The following AVIL variants were observed in gnomAD, a reference collection of about 807,000 sequenced individuals.
The protein encoded by AVIL is advillin.
AVIL carries 78 observed loss-of-function variants against 109.9 expected under a neutral mutation model. The ratio of observed to expected loss-of-function variants is 0.71; its 90% CI spans 0.59 to 0.86. The LOEUF (loss-of-function observed/expected upper bound fraction) is 0.86, where lower values mean the gene tolerates loss of function less well. AVIL is among the 40% of genes least tolerant of loss of function. The pLI is 0.00. For missense variants in AVIL, 892 were observed against 1,016.5 expected (o/e 0.88, Z 1.67); for synonymous variants, 367 against 379.1 (o/e 0.97, Z 0.37).
chr12:57,812,779 C>A (rs1255252494), intron 4 of AVIL, among the ~76,000 whole-genome samples: 1 of 152,212 alleles, frequency 6.6e-6, no homozygotes, highest in African/African-American at 2.4e-5. Context: ...TGTATCTAAT[C>A]TGTTGCTTCT....
chr12:57,812,282 C>T (rs376690579), intron 4 of AVIL, among the ~76,000 whole-genome samples: 5 of 152,238 alleles, frequency 3.3e-5, no homozygotes, highest in East Asian at 3.8e-4. Flanking sequence ...TATCCTCTTG[C>T]CTCAGCCTCC....
chr12:57,803,489 G>A, intron 15 of AVIL, 35 bp downstream of exon 15: 1 of 1,613,888 alleles, frequency 6.2e-7, no homozygotes, highest in Non-Finnish European at 8.5e-7. Flanking sequence ...GCAGGCAGGG[G>A]GAGCCCAGAA....
intron 17 of AVIL, chr12:57,801,521 C>A: frequency 4.4e-6 from 1 of 225,280 alleles, no homozygotes; most frequent in Non-Finnish European, 8.9e-6. Context: ...GGGTGGATCA[C>A]CTGAGGTCAG....
Position 57,803,341 on chromosome 12 carries a change from T to C in AVIL, c.1868A>G (p.Asn623Ser), listed in dbSNP as rs778889853. 3.1e-6 allele frequency: 5 copies of C among 1,614,062 alleles called. No individual in the cohort carries two copies. Among genetic ancestry groups the C allele is most frequent in the East Asian group, 4.5e-5 (2 of 44,900 alleles). The change falls in exon 16 of 20, where the codon AAT becomes AGT. Residue 623 changes from asparagine to serine, a missense_variant. Transcript: ENST00000549994. ...DVQSRLFECS[N>S]KTGQFVVTEI... Reference sequence around the variant, plus strand: ...AGTGACAACGAATTGGCCGGTCTTATTGGAACATTCAAAGAGACGAGACTG... The same window carrying C: ...AGTGACAACGAATTGGCCGGTCTTACTGGAACATTCAAAGAGACGAGACTG...
chr12:57,808,602 T>G, intron 9 of AVIL, 54 bp from the exon 10 acceptor site: 1 of 1,589,634 alleles, frequency 6.3e-7, no homozygotes, highest in East Asian at 2.2e-5. Flanking sequence ...CACTGAGTTC[T>G]TTGCTTGTCT....
At chr12:57,813,040 T>A (rs1455021205) in intron 4 of AVIL, among the ~76,000 whole-genome samples, 187 bp downstream of exon 4, 4 of 152,246 alleles carry the variant, frequency 2.6e-5, no homozygotes, top group Non-Finnish European at 5.9e-5. Flanking sequence ...GGGCTCCTAT[T>A]TCCCCATAGC....
At chr12:57,808,127 C>A in intron 11 of AVIL, 67 bp downstream of exon 11, 2 of 1,548,730 alleles carry the variant, frequency 1.3e-6, no homozygotes, top group South Asian at 1.1e-5. Flanking sequence ...ACCTGCACCC[C>A]TGCCCCCAGC....
At chr12:57,808,685 C>CT in intron 9 of AVIL, 137 bp from the exon 10 acceptor site, 1 of 1,093,558 alleles carries the variant, frequency 9.1e-7, no homozygotes, top group Non-Finnish European at 1.3e-6. Flanking sequence ...TTCTAACTCA[C>CT]TTTTGTCTAA....
intron 1 of AVIL, chr12:57,816,488 C>G (rs1317472289): frequency 6.2e-6 from 1 of 160,410 alleles, no homozygotes; most frequent in African/African-American, 2.4e-5. Flanking sequence ...AAATCCTTAT[C>G]TGATCCCCAA....
chr12:57,814,584 C>T (rs1156476204), intron 2 of AVIL: 1 of 219,198 alleles, frequency 4.6e-6, no homozygotes, highest in Non-Finnish European at 9.5e-6. Flanking sequence ...TTCTCTGAGC[C>T]GTTGTGCCAG....
At chr12:57,810,227 G>T in intron 7 of AVIL, 122 bp downstream of exon 7, 1 of 1,054,728 alleles carries the variant, frequency 9.5e-7, no homozygotes, top group Non-Finnish European at 1.4e-6. Flanking sequence ...ATTTGAAAAG[G>T]ACTAAGAAGA....
intron 7 of AVIL, 143 bp from the exon 8 acceptor site, chr12:57,810,033 AGGAAT>A: frequency 1.2e-6 from 1 of 824,888 alleles, no homozygotes; most frequent in South Asian, 1.6e-5. Flanking sequence ...GAGTGAGGAC[AGGAAT>A]GTGCAGACTC....
At chr12:57,799,166 T>C (rs545947537) in intron 19 of AVIL, among the ~76,000 whole-genome samples, 3 of 152,216 alleles carry the variant, frequency 2.0e-5, no homozygotes, top group East Asian at 3.9e-4. Flanking sequence ...GGAGGTGATA[T>C]TAGAGCTGAG....
chr12:57,803,252 C>T lies in AVIL; in HGVS notation c.1957G>A (p.Asp653Asn), dbSNP rs1048665076. ...CTTCTGCAGCTGTGTCTTACCTGGTCCCAGGTATCTAGGAGCATCACGTCA... is the reference window on the plus strand; with the variant it reads ...CTTCTGCAGCTGTGTCTTACCTGGTTCCAGGTATCTAGGAGCATCACGTCA... ...PTDVMLLDTW[D>N]QVFLWIGAEA... Residue 653 changes from aspartate to asparagine, a missense_variant, in exon 16 of 20, where the codon GAC becomes AAC. Transcript: ENST00000549994. The T allele has an allele frequency of 1.9e-6, 3 of 1,613,880 alleles. No homozygotes were observed. The highest frequency in any genetic ancestry group is 1.7e-5 in the Admixed American group (1 of 59,980).
chr12:57,806,857 A>G (rs1336271660), intron 13 of AVIL, among the ~76,000 whole-genome samples: 1 of 152,254 alleles, frequency 6.6e-6, no homozygotes, highest in Non-Finnish European at 1.5e-5. Flanking sequence ...AAACTTGACT[A>G]GTAAATGACA....
At chr12:57,808,931 G>T in intron 9 of AVIL, 1 of 215,722 alleles carries the variant, frequency 4.6e-6, no homozygotes, top group Non-Finnish European at 9.3e-6. Flanking sequence ...CATTAACCTT[G>T]ATATGTGATA....
chr12:57,803,755 A>T (rs751039758), intron 14 of AVIL, 86 bp from the exon 15 acceptor site: 1 of 1,525,636 alleles, frequency 6.6e-7, no homozygotes, highest in Non-Finnish European at 8.9e-7. Context: ...CTAATAACTC[A>T]GTGTGCCAGG....
chr12:57,808,603 T>C (rs1955990510), intron 9 of AVIL, 55 bp from the exon 10 acceptor site: 5 of 1,590,008 alleles, frequency 3.1e-6, no homozygotes, highest in Middle Eastern at 2.1e-4. Flanking sequence ...ACTGAGTTCT[T>C]TGCTTGTCTG....
At chr12:57,802,538 C>T in intron 16 of AVIL, 190 bp from the exon 17 acceptor site, 1 of 762,064 alleles carries the variant, frequency 1.3e-6, no homozygotes, top group Non-Finnish European at 2.3e-6. Flanking sequence ...ATTTTAATTG[C>T]TATGTGTATC....
Sources: gnomAD v4.1 joint callset for allele counts (sites outside exome capture counted in the v4.1 genomes callset) on GRCh38, gnomAD v4.1.1 for gene constraint, MANE v1.5 for transcripts, NCBI Gene and HGNC (gene_info 2026-07-23, HGNC 2026-07-21) for gene names.